The following JMJD1C variants were observed in gnomAD, a reference collection of about 807,000 sequenced individuals.
JMJD1C encodes the protein jumonji domain-containing protein 1C.
A neutral mutation model predicts 245.3 loss-of-function variants in JMJD1C; 31 were observed. The observed-to-expected ratio is 0.13, with a 90% CI of 0.09 to 0.17. The LOEUF (loss-of-function observed/expected upper bound fraction) is 0.17, where lower values mean the gene tolerates loss of function less well. JMJD1C is among the 10% of genes least tolerant of loss of function. JMJD1C has a pLI of 1.00. For missense variants in JMJD1C, 2,691 were observed against 3,000.2 expected (o/e 0.90, Z 2.41); for synonymous variants, 1,057 against 1,017.4 (o/e 1.04, Z -0.74).
chr10:63,422,096 TTA>T (rs1351529150), intron 1 of JMJD1C, among the ~76,000 whole-genome samples: 1 of 152,156 alleles, frequency 6.6e-6, no homozygotes, highest in African/African-American at 2.4e-5. Context: ...GAGACACCAT[TTA>T]TTATAAAAAC....
At chr10:63,304,718 G>C (rs1937769426) in intron 2 of JMJD1C, among the ~76,000 whole-genome samples, 1 of 152,196 alleles carries the variant, frequency 6.6e-6, no homozygotes, top group Non-Finnish European at 1.5e-5. Context: ...CCACAGAAAA[G>C]ATCAGATGGC....
intron 1 of JMJD1C, among the ~76,000 whole-genome samples, chr10:63,493,826 C>T (rs984731777): frequency 2.0e-5 from 3 of 152,132 alleles, no homozygotes; most frequent in African/African-American, 7.2e-5. Flanking sequence ...TAGAAAGGAA[C>T]TGGGAAAATA....
At chr10:63,243,714 C>T (rs1346435642) in intron 3 of JMJD1C, among the ~76,000 whole-genome samples, 1 of 152,000 alleles carries the variant, frequency 6.6e-6, no homozygotes, top group African/African-American at 2.4e-5. Flanking sequence ...GGTTCACTCC[C>T]CTCAGTAGAA....
At chr10:63,380,628 A>G (rs1269397405) in intron 1 of JMJD1C, 146 bp from the exon 2 acceptor site, 1 of 617,542 alleles carries the variant, frequency 1.6e-6, no homozygotes, top group Non-Finnish European at 2.8e-6. Context: ...AAATCAGGGT[A>G]ATTAGAATAT....
In JMJD1C at chr10:63,263,984, A is replaced by T. The variant is rs9414784; in HGVS notation, c.447+667T>A. On this transcript the variant is annotated intron_variant, in intron 3 of 25. Coordinates refer to ENST00000399262, the MANE Select transcript of JMJD1C (RefSeq NM_032776.3). ...TACACACACACACACACACACACAC[A>T]CACACACACACACACACACACACAA... Among the ~76,000 whole-genome samples the T allele has an allele frequency of 5.6e-3, 631 of 112,754 alleles. 1 individual carries two copies. Among genetic ancestry groups the T allele is most frequent in the African/African-American group, 0.014 (431 of 31,762 alleles). The allele number at this position is 112,754 out of a possible 152,430, so 74.0% of individuals were successfully genotyped here.
At chr10:63,203,066 T>C (rs980570368) in intron 10 of JMJD1C, 8 of 984,912 alleles carry the variant, frequency 8.1e-6, no homozygotes, top group Non-Finnish European at 8.4e-6. Context: ...TGACACAAAA[T>C]AGGCATTTAG....
chr10:63,222,808 G>A, intron 3 of JMJD1C: 1 of 1,443,804 alleles, frequency 6.9e-7, no homozygotes, highest in Non-Finnish European at 9.7e-7. Flanking sequence ...AAAAATTAAT[G>A]ATTGAGACAG....
chr10:63,384,405 A>G (rs1191399046), intron 1 of JMJD1C, among the ~76,000 whole-genome samples: 1 of 152,184 alleles, frequency 6.6e-6, no homozygotes, highest in Admixed American at 6.5e-5. Flanking sequence ...TGTATTTCTT[A>G]AATAATAAGA....
At position 63,174,103 on chromosome 10, in the gene JMJD1C, G is replaced by C. The variant is rs921148862; in HGVS notation, c.7401+2194C>G. 2.0e-5 allele frequency among the ~76,000 whole-genome samples: 3 copies of C among 152,148 alleles called. 1 individual carries two copies. Among genetic ancestry groups the C allele is most frequent in the Non-Finnish European group, 4.4e-5 (3 of 68,030 alleles). On this transcript the variant is annotated intron_variant, in intron 24 of 25. Transcript: ENST00000399262. ...AACCCTGCACTGGGAAATGAAAATGGAACAACCAATTTAGAGAATAGTCTG... is the reference window on the plus strand; with the variant it reads ...AACCCTGCACTGGGAAATGAAAATGCAACAACCAATTTAGAGAATAGTCTG...
intron 2 of JMJD1C, among the ~76,000 whole-genome samples, chr10:63,361,260 T>TA (rs1383306855): frequency 3.3e-5 from 5 of 152,036 alleles, no homozygotes; most frequent in Non-Finnish European, 7.4e-5. Flanking sequence ...CTGTCTCTAC[T>TA]AAAAATACAA....
At chr10:63,278,929 G>A (rs1857108137) in intron 2 of JMJD1C, among the ~76,000 whole-genome samples, 1 of 151,738 alleles carries the variant, frequency 6.6e-6, no homozygotes, top group South Asian at 2.1e-4. Flanking sequence ...TCGCTTGAAA[G>A]CTATCTCTAT....
intron 1 of JMJD1C, among the ~76,000 whole-genome samples, chr10:63,514,244 A>ATTT (rs1483821748): frequency 6.6e-6 from 1 of 152,224 alleles, no homozygotes; most frequent in Non-Finnish European, 1.5e-5. Context: ...GAACTTTAAA[A>ATTT]GAACTACCAC....
chr10:63,293,602 G>A (rs902866026), intron 2 of JMJD1C, among the ~76,000 whole-genome samples: 1 of 152,090 alleles, frequency 6.6e-6, no homozygotes, highest in Non-Finnish European at 1.5e-5. Flanking sequence ...ATAATCACAT[G>A]TGATCTAGCT....
intron 13 of JMJD1C, among the ~76,000 whole-genome samples, chr10:63,196,376 T>C (rs1208353602): frequency 2.6e-5 from 4 of 152,252 alleles, no homozygotes; most frequent in African/African-American, 7.2e-5. Flanking sequence ...CATCAAATTT[T>C]ATAACAATTG....
rs572191782 is a variant in JMJD1C at position 63,276,496 on chromosome 10, C to T, written c.334-11732G>A. 7.3e-5 allele frequency among the ~76,000 whole-genome samples: 11 copies of T among 151,054 alleles called. No homozygotes were observed. In the East Asian group the frequency reaches 2.1e-3, roughly 29 times the overall value. ...AAAAAAAAAAAAAAGACCAGCCTGG[C>T]CAACATGGTGAAACCCCAACTCTAC... On this transcript the variant is annotated intron_variant, in intron 2 of 25. Transcript: ENST00000399262.
intron 1 of JMJD1C, among the ~76,000 whole-genome samples, chr10:63,394,606 A>G (rs1407489727): frequency 6.6e-6 from 1 of 152,170 alleles, no homozygotes; most frequent in East Asian, 1.9e-4. Flanking sequence ...GCACTTTGGG[A>G]GGCTGAGGCA....
At chr10:63,461,675 C>T (rs768799540) in intron 1 of JMJD1C, among the ~76,000 whole-genome samples, 4 of 152,086 alleles carry the variant, frequency 2.6e-5, no homozygotes, top group Non-Finnish European at 5.9e-5. Flanking sequence ...GCCTTTAATA[C>T]ACAGTATGAT....
At chr10:63,260,992 A>C (rs1366513338) in intron 3 of JMJD1C, among the ~76,000 whole-genome samples, 1 of 152,036 alleles carries the variant, frequency 6.6e-6, no homozygotes, top group Non-Finnish European at 1.5e-5. Context: ...AGATTTCCCC[A>C]CTGCTTCCTC....
At chr10:63,496,490 C>T (rs1469869643) in intron 1 of JMJD1C, among the ~76,000 whole-genome samples, 1 of 152,154 alleles carries the variant, frequency 6.6e-6, no homozygotes, top group Non-Finnish European at 1.5e-5. Context: ...CTTCTTCTTC[C>T]AAAGGTCTCT....
Sources: allele counts gnomAD v4.1 joint callset (sites outside exome capture counted in the v4.1 genomes callset), GRCh38; gene constraint gnomAD v4.1.1; transcripts MANE v1.5; gene names NCBI Gene and HGNC (gene_info 2026-07-23, HGNC 2026-07-21).